The following KCND2 variants were observed in gnomAD, a reference collection of about 807,000 sequenced individuals.
KCND2 encodes the protein potassium voltage-gated channel subfamily D member 2.
In KCND2, 16 loss-of-function variants were observed where a neutral mutation model predicts 54.4. The observed-to-expected ratio is 0.29, with a 90% confidence interval of 0.20 to 0.45. KCND2 has a LOEUF of 0.45. Among genes scored for constraint, KCND2 ranks in the 20% least tolerant of loss-of-function variants. The pLI, the probability that KCND2 is intolerant of heterozygous loss-of-function variation, is 1.00. For synonymous variants in KCND2, 317 were observed against 310.7 expected, an observed-to-expected ratio of 1.02 and a Z score of -0.21; for missense variants, 486 against 824.2, an observed-to-expected ratio of 0.59 and a Z score of 5.02.
chr7:120,646,487 T>C (rs551841428), intron 1 of KCND2, among the ~76,000 whole-genome samples: 1 of 152,360 alleles, frequency 6.6e-6, no homozygotes, highest in Non-Finnish European at 1.5e-5. Flanking sequence ...TTATGGTGAT[T>C]TTTTTCTGTC....
intron 1 of KCND2, among the ~76,000 whole-genome samples, chr7:120,645,564 T>C (rs1339255045): frequency 1.3e-5 from 2 of 152,220 alleles, no homozygotes; most frequent in African/African-American, 4.8e-5. Flanking sequence ...GTCCCATGGC[T>C]GACCACATAA....
chr7:120,733,996 A>G (rs1792840857), intron 2 of KCND2, among the ~76,000 whole-genome samples: 1 of 152,144 alleles, frequency 6.6e-6, no homozygotes, highest in African/African-American at 2.4e-5. Flanking sequence ...ATTAAATTGA[A>G]AAGTTTAATT....
chr7:120,636,801 G>C (rs1202123371), intron 1 of KCND2, among the ~76,000 whole-genome samples: 1 of 152,128 alleles, frequency 6.6e-6, no homozygotes, highest in Non-Finnish European at 1.5e-5. Flanking sequence ...GCATTTTGCA[G>C]ATTGCCTAAA....
At chr7:120,432,142 G>GT (rs894293241) in intron 1 of KCND2, among the ~76,000 whole-genome samples, 2 of 151,992 alleles carry the variant, frequency 1.3e-5, no homozygotes, top group African/African-American at 4.8e-5. Context: ...TGAGTATTTG[G>GT]TCCCCCATTG....
chr7:120,511,321 A>G (rs1053915884), intron 1 of KCND2, among the ~76,000 whole-genome samples: 1 of 152,054 alleles, frequency 6.6e-6, no homozygotes, highest in African/African-American at 2.4e-5. Context: ...ACTATCTAAC[A>G]TATGACTCTA....
intron 1 of KCND2, among the ~76,000 whole-genome samples, chr7:120,613,982 C>T (rs1215350116): frequency 6.6e-6 from 1 of 151,350 alleles, no homozygotes; most frequent in East Asian, 1.9e-4. Flanking sequence ...TTTAGATAAA[C>T]AACTCTCTAA....
intron 1 of KCND2, among the ~76,000 whole-genome samples, chr7:120,449,423 G>A (rs964063523): frequency 6.6e-6 from 1 of 152,024 alleles, no homozygotes; most frequent in Non-Finnish European, 1.5e-5. Flanking sequence ...TTCTCTGACC[G>A]GATTGAAGAT....
chr7:120,326,206 T>C (rs1420474383), intron 1 of KCND2, among the ~76,000 whole-genome samples: 3 of 152,104 alleles, frequency 2.0e-5, no homozygotes, highest in Non-Finnish European at 4.4e-5. Context: ...AATGTACCTA[T>C]GCAGATGTTG....
At chr7:120,382,505 C>A (rs184043395) in intron 1 of KCND2, among the ~76,000 whole-genome samples, 96 of 151,824 alleles carry the variant, frequency 6.3e-4, no homozygotes, top group African/African-American at 2.1e-3. Context: ...TTTGAAAAAT[C>A]TTACTGGCAC....
chr7:120,338,799 C>T (rs1447967358), intron 1 of KCND2, among the ~76,000 whole-genome samples: 1 of 151,972 alleles, frequency 6.6e-6, no homozygotes, highest in Non-Finnish European at 1.5e-5. Flanking sequence ...TATATGCACT[C>T]ATAATTTTCT....
intron 1 of KCND2, among the ~76,000 whole-genome samples, chr7:120,590,474 A>T (rs1792656790): frequency 6.6e-6 from 1 of 152,222 alleles, no homozygotes. Flanking sequence ...AAGAAATTGA[A>T]ACTATCCATT....
chr7:120,413,788 C>T (rs1801484776), intron 1 of KCND2, among the ~76,000 whole-genome samples: 1 of 151,600 alleles, frequency 6.6e-6, no homozygotes, highest in Admixed American at 6.6e-5. Context: ...ATAAATATTT[C>T]TTGTTGGCTG....
At chr7:120,445,998 C>T (rs2116206290) in intron 1 of KCND2, among the ~76,000 whole-genome samples, 1 of 152,228 alleles carries the variant, frequency 6.6e-6, no homozygotes, top group East Asian at 1.9e-4. Flanking sequence ...TGGCTTGGCA[C>T]TAGTAGGCAC....
intron 1 of KCND2, among the ~76,000 whole-genome samples, chr7:120,288,290 A>C (rs1387520671): frequency 6.6e-6 from 1 of 152,162 alleles, no homozygotes. Flanking sequence ...AAATCTTATG[A>C]AACTAGAATA....
chr7:120,449,704 G>T (rs1363714100), intron 1 of KCND2, among the ~76,000 whole-genome samples: 2 of 152,184 alleles, frequency 1.3e-5, no homozygotes, highest in African/African-American at 4.8e-5. Flanking sequence ...GAGAATTTCA[G>T]TTGAAGATCA....
chr7:120,543,573 T>G (rs1466761128), intron 1 of KCND2, among the ~76,000 whole-genome samples: 1 of 152,046 alleles, frequency 6.6e-6, no homozygotes, highest in Non-Finnish European at 1.5e-5. Context: ...GAATGGGTGA[T>G]TATATTCCAA....
chr7:120,533,745 T>C (rs1791869745), intron 1 of KCND2, among the ~76,000 whole-genome samples: 1 of 152,138 alleles, frequency 6.6e-6, no homozygotes, highest in Non-Finnish European at 1.5e-5. Context: ...CATAAATGAT[T>C]CCACAGTTTT....
Position 120,410,387 on chromosome 7 carries a change from T to G in KCND2, c.1115+134640T>G, listed in dbSNP as rs959879883. Among the ~76,000 whole-genome samples the G allele has an allele frequency of 1.1e-4, 16 of 152,092 alleles. No homozygotes were observed. The East Asian group carries it at 3.1e-3, about 29-fold the overall frequency. ...GGCTATTATAGGTTCTTTGGGTCCA[T>G]GTAAATTTTAGAATCAGTTTGTCAA... On this transcript the variant is annotated intron_variant, in intron 1 of 5. Transcript: ENST00000331113.
At chr7:120,491,602 C>T (rs1802780604) in intron 1 of KCND2, among the ~76,000 whole-genome samples, 1 of 151,990 alleles carries the variant, frequency 6.6e-6, no homozygotes, top group Non-Finnish European at 1.5e-5. Flanking sequence ...AGGAAACAGT[C>T]ATATCTAAGT....
Sources: allele counts gnomAD v4.1 joint callset (sites outside exome capture counted in the v4.1 genomes callset), GRCh38; gene constraint gnomAD v4.1.1; transcripts MANE v1.5; gene names NCBI Gene and HGNC (gene_info 2026-07-23, HGNC 2026-07-21).